Variants in CCBE1 observed in about 807,000 individuals in gnomAD.
The protein encoded by CCBE1 is collagen and calcium-binding EGF domain-containing protein 1.
Under a neutral mutation model 50.0 loss-of-function variants are expected in CCBE1, and 37 were observed. The ratio of observed to expected loss-of-function variants is 0.74; its 90% CI spans 0.57 to 0.97. CCBE1 has a LOEUF of 0.97. Among genes scored for constraint, CCBE1 ranks in the 50% least tolerant of loss-of-function variants. CCBE1 has a pLI of 0.00. For synonymous variants in CCBE1, 234 were observed against 203.7 expected, an observed-to-expected ratio of 1.15 and a Z score of -1.27; for missense variants, 538 against 523.8, an observed-to-expected ratio of 1.03 and a Z score of -0.26.
chr18:59,571,074 C>G (rs561388725), intron 2 of CCBE1, among the ~76,000 whole-genome samples: 26 of 152,240 alleles, frequency 1.7e-4, no homozygotes, highest in African/African-American at 5.8e-4. Flanking sequence ...GCAGTCAGTC[C>G]CTAGGAGTGA....
chr18:59,609,024 AT>A (rs1485743711), intron 2 of CCBE1, among the ~76,000 whole-genome samples: 7 of 152,206 alleles, frequency 4.6e-5, no homozygotes, highest in African/African-American at 1.7e-4. Context: ...GAGTTCTTGC[AT>A]TATGTGACTT....
rs545396358 is a variant in CCBE1 at position 59,631,991 on chromosome 18, A to T, written c.212+64638T>A. On this transcript the variant is annotated intron_variant, in intron 2 of 10. Coordinates refer to ENST00000439986, the MANE Select transcript of CCBE1 (RefSeq NM_133459.4). ...ATCCTGTAGATTCAAACAAAATCCA[A>T]CACAGATGTCCTTAAGAATTAAAAT... 2.0e-5 allele frequency among the ~76,000 whole-genome samples: 3 copies of T among 152,354 alleles called. No individual in the cohort carries two copies. The East Asian group carries it at 5.8e-4, about 29-fold the overall frequency.
chr18:59,636,283 G>A (rs529264699), intron 2 of CCBE1, among the ~76,000 whole-genome samples: 2 of 152,166 alleles, frequency 1.3e-5, no homozygotes, highest in Admixed American at 6.5e-5. Flanking sequence ...AGACATTGAG[G>A]CAAAAAGGCA....
At chr18:59,665,645 G>A (rs551681162) in intron 2 of CCBE1, among the ~76,000 whole-genome samples, 1 of 152,294 alleles carries the variant, frequency 6.6e-6, no homozygotes, top group South Asian at 2.1e-4. Flanking sequence ...TCTTCTGAAA[G>A]CAAAGTAAAA....
chr18:59,554,698 C>T (rs896617478), intron 2 of CCBE1, among the ~76,000 whole-genome samples: 1 of 152,212 alleles, frequency 6.6e-6, no homozygotes, highest in Non-Finnish European at 1.5e-5. Context: ...TCATGGGCTA[C>T]TTGACTCTCT....
chr18:59,645,743 A>G (rs1322932892), intron 2 of CCBE1, among the ~76,000 whole-genome samples: 1 of 152,208 alleles, frequency 6.6e-6, no homozygotes, highest in Admixed American at 6.5e-5. Context: ...AAAAGTATCA[A>G]AAGACAGGCT....
intron 2 of CCBE1, among the ~76,000 whole-genome samples, chr18:59,494,678 G>C (rs750434296): frequency 2.6e-5 from 4 of 152,188 alleles, no homozygotes; most frequent in Non-Finnish European, 5.9e-5. Flanking sequence ...AATTAAATCA[G>C]AAGAGAGCTA....
chr18:59,674,467 C>T (rs968327729), intron 2 of CCBE1, among the ~76,000 whole-genome samples: 14 of 152,020 alleles, frequency 9.2e-5, no homozygotes, highest in Non-Finnish European at 1.3e-4. Context: ...TGGGGCCTGT[C>T]GGTGGGTAGG....
intron 2 of CCBE1, among the ~76,000 whole-genome samples, chr18:59,627,448 C>G (rs77046353): frequency 0.026 from 3,884 of 152,212 alleles, 168 homozygotes; most frequent in African/African-American, 0.089. Flanking sequence ...ACTGTGTCCC[C>G]CAAAAAGACA....
At chr18:59,523,917 T>C (rs779816719) in intron 2 of CCBE1, among the ~76,000 whole-genome samples, 25 of 152,244 alleles carry the variant, frequency 1.6e-4, no homozygotes, top group Non-Finnish European at 3.4e-4. Flanking sequence ...TCTAGATGTA[T>C]TTGATTTAAA....
intron 2 of CCBE1, among the ~76,000 whole-genome samples, chr18:59,691,476 G>A (rs1262684315): frequency 6.6e-6 from 1 of 152,194 alleles, no homozygotes; most frequent in African/African-American, 2.4e-5. Flanking sequence ...CGTGATCTTG[G>A]CTCACCACAA....
chr18:59,527,787 A>C (rs1046204065), intron 2 of CCBE1, among the ~76,000 whole-genome samples: 1 of 152,146 alleles, frequency 6.6e-6, no homozygotes, highest in Non-Finnish European at 1.5e-5. Flanking sequence ...AAATTCTTTT[A>C]AAAAGGTTGA....
chr18:59,517,873 A>G (rs746001998), intron 2 of CCBE1, among the ~76,000 whole-genome samples: 3 of 152,220 alleles, frequency 2.0e-5, no homozygotes, highest in Non-Finnish European at 4.4e-5. Flanking sequence ...AAACATGGTC[A>G]AGGGGGCTGG....
intron 2 of CCBE1, among the ~76,000 whole-genome samples, chr18:59,515,434 A>G (rs904417471): frequency 6.6e-6 from 1 of 152,150 alleles, no homozygotes; most frequent in Non-Finnish European, 1.5e-5. Context: ...GTGTCCATAA[A>G]TGGTATCATT....
At chr18:59,695,273 C>T (rs181532344) in intron 2 of CCBE1, among the ~76,000 whole-genome samples, 24 of 152,306 alleles carry the variant, frequency 1.6e-4, no homozygotes, top group South Asian at 6.2e-4. Context: ...ATGAAAGACA[C>T]GGCTGGAACC....
At chr18:59,588,171 C>T (rs2053204984) in intron 2 of CCBE1, among the ~76,000 whole-genome samples, 1 of 152,176 alleles carries the variant, frequency 6.6e-6, no homozygotes, top group Non-Finnish European at 1.5e-5. Flanking sequence ...TGAGGTATAG[C>T]CTATATACAA....
At chr18:59,664,342 C>T (rs928622419) in intron 2 of CCBE1, among the ~76,000 whole-genome samples, 5 of 152,054 alleles carry the variant, frequency 3.3e-5, no homozygotes, top group South Asian at 2.1e-4. Context: ...AAGAGAGAAG[C>T]GCAGCAGGTG....
At chr18:59,595,114 C>CAAAAAAAAA (rs546035209) in intron 2 of CCBE1, among the ~76,000 whole-genome samples, 25 of 73,574 alleles carry the variant, frequency 3.4e-4, no homozygotes, top group African/African-American at 1.1e-3. Flanking sequence ...GACTCTGTCT[C>CAAAAAAAAA]AAAAAAAAAA....
intron 2 of CCBE1, among the ~76,000 whole-genome samples, chr18:59,606,315 A>G (rs1284089967): frequency 6.6e-6 from 1 of 152,186 alleles, no homozygotes; most frequent in Non-Finnish European, 1.5e-5. Context: ...CTTTCAGGGA[A>G]AGCAGCGAGG....
Sources: allele counts gnomAD v4.1 joint callset (sites outside exome capture counted in the v4.1 genomes callset), GRCh38; gene constraint gnomAD v4.1.1; transcripts MANE v1.5; gene names NCBI Gene and HGNC (gene_info 2026-07-23, HGNC 2026-07-21).